The following NUP133 variants were observed in gnomAD, a reference collection of about 807,000 sequenced individuals.
The protein encoded by NUP133 is nuclear pore complex protein Nup133.
A neutral mutation model predicts 146.2 loss-of-function variants in NUP133; 66 were observed. The ratio of observed to expected loss-of-function variants is 0.45; its 90% CI spans 0.37 to 0.55. The LOEUF is 0.55. Ranked by LOEUF, NUP133 falls within the 20% of genes least tolerant of loss-of-function variation. The pLI, the probability that NUP133 is intolerant of heterozygous loss-of-function variation, is 0.00. For synonymous variants in NUP133, 521 were observed against 498.8 expected (o/e 1.04, Z -0.59); for missense variants, 1,277 against 1,374.8 (o/e 0.93, Z 1.12).
intron 12 of NUP133, among the ~76,000 whole-genome samples, chr1:229,482,144 A>C (rs1191389382): frequency 6.6e-6 from 1 of 152,232 alleles, no homozygotes; most frequent in Non-Finnish European, 1.5e-5. Flanking sequence ...TTTTAAACAG[A>C]AACAAAAAAC....
intron 13 of NUP133, among the ~76,000 whole-genome samples, chr1:229,476,488 A>C (rs1203305664): frequency 6.6e-6 from 1 of 152,212 alleles, no homozygotes; most frequent in Non-Finnish European, 1.5e-5. Flanking sequence ...AAGTAAGAGT[A>C]AGAGGGGCAG....
chr1:229,445,561 C>T (rs1340263141), intron 24 of NUP133, among the ~76,000 whole-genome samples: 2 of 152,208 alleles, frequency 1.3e-5, no homozygotes, highest in East Asian at 3.8e-4. Flanking sequence ...TCCAGCAATC[C>T]TCCTGTCTTG....
intron 24 of NUP133, among the ~76,000 whole-genome samples, chr1:229,447,954 A>G (rs1309214117): frequency 6.6e-6 from 1 of 152,234 alleles, no homozygotes; most frequent in African/African-American, 2.4e-5. Context: ...AGGATGTGGT[A>G]AAGAAGCCAG....
At position 229,465,511 on chromosome 1, in the gene NUP133, C is replaced by T. The variant is rs1290887082; in HGVS notation, c.2208G>A (p.Leu736=). The change falls in exon 17 of 26, where the codon CTG becomes CTA. Residue 736 remains leucine, a synonymous_variant. Transcript: ENST00000261396. The stretch of plus-strand genomic sequence containing the variant: ...TTTGGCGATAATGACTAGCAGCCTG[C>T]AGCATATCCTGGAAAAAAAGTTAAT... ...INVNNILKDM[L]QAASHYRQNR... The T allele has an allele frequency of 6.2e-7, 1 of 1,612,602 alleles. No homozygotes were observed. The highest frequency in any genetic ancestry group is 8.5e-7 in the Non-Finnish European group (1 of 1,178,868).
intron 12 of NUP133, 55 bp downstream of exon 12, chr1:229,483,999 A>G: frequency 8.1e-7 from 1 of 1,240,286 alleles, no homozygotes; most frequent in Non-Finnish European, 1.2e-6. Flanking sequence ...AGCACATGTC[A>G]GTAAAACATA....
At chr1:229,442,355 A>G (rs1334869841) in intron 25 of NUP133, among the ~76,000 whole-genome samples, 1 of 152,260 alleles carries the variant, frequency 6.6e-6, no homozygotes, top group African/African-American at 2.4e-5. Context: ...AAACACTTAT[A>G]TGATCCCCTA....
At chr1:229,463,718 A>G (rs1184152113) in intron 18 of NUP133, 42 bp from the exon 19 acceptor site, 1 of 1,549,562 alleles carries the variant, frequency 6.5e-7, no homozygotes, top group Non-Finnish European at 8.7e-7. Flanking sequence ...CTGTTAGCAA[A>G]ACTTAAAATC....
At chr1:229,506,695 C>T (rs1168053370) in intron 1 of NUP133, among the ~76,000 whole-genome samples, 1 of 151,628 alleles carries the variant, frequency 6.6e-6, no homozygotes, top group East Asian at 1.9e-4. Context: ...CTGCTTGAGA[C>T]CAGGAGTTCA....
chr1:229,506,086 T>A lies in NUP133; in HGVS notation c.255A>T (p.Gly85=). 1 of 1,613,470 alleles carries A rather than the reference T, an allele frequency of 6.2e-7. No individual in the cohort carries two copies. The highest frequency in any genetic ancestry group is 8.5e-7 in the Non-Finnish European group (1 of 1,179,486). The stretch of plus-strand genomic sequence containing the variant: ...CCATGACTTTAACAGGAAGAGAAGA[T>A]CCAAACGTTTTCACATCATAGTTCA... The part of the protein sequence containing the change: ...ESVNYDVKTF[G]SSLPVKVMEA... The change falls in exon 2 of 26, where the codon GGA becomes GGT. Residue 85 remains glycine, a synonymous_variant. Coordinates refer to ENST00000261396, the MANE Select transcript of NUP133 (RefSeq NM_018230.3).
intron 19 of NUP133, among the ~76,000 whole-genome samples, chr1:229,461,648 A>C (rs142277009): frequency 1.4e-4 from 22 of 152,356 alleles, no homozygotes; most frequent in African/African-American, 5.1e-4. Context: ...TATAGGAAGC[A>C]GAAAACTATG....
At chr1:229,449,875 T>TATATATATATATATATATATATATATA (rs1558088585) in intron 23 of NUP133, among the ~76,000 whole-genome samples, 1 of 64,020 alleles carries the variant, frequency 1.6e-5, no homozygotes, top group African/African-American at 6.0e-5. Context: ...ATATATATAT[T>TATATATATATATATATATATATATATA]TTTTTTTTTT....
At chr1:229,491,921 C>T (rs1661527873) in intron 8 of NUP133, among the ~76,000 whole-genome samples, 1 of 152,146 alleles carries the variant, frequency 6.6e-6, no homozygotes, top group Admixed American at 6.5e-5. Context: ...TAAAAACAAA[C>T]ATATATATTT....
At chr1:229,483,570 T>C (rs1284120347) in intron 12 of NUP133, among the ~76,000 whole-genome samples, 2 of 151,902 alleles carry the variant, frequency 1.3e-5, no homozygotes, top group African/African-American at 4.8e-5. Context: ...CTAGGTGTAG[T>C]GGTACACGCC....
At chr1:229,449,282 G>T in intron 23 of NUP133, 92 bp from the exon 24 acceptor site, 3 of 725,838 alleles carry the variant, frequency 4.1e-6, no homozygotes, top group Middle Eastern at 3.9e-4. Flanking sequence ...TACATACATA[G>T]AAGCCAATTA....
At chr1:229,465,160 G>A (rs1660784022) in intron 17 of NUP133, among the ~76,000 whole-genome samples, 1 of 152,050 alleles carries the variant, frequency 6.6e-6, no homozygotes, top group Non-Finnish European at 1.5e-5. Flanking sequence ...ATACCTCCGG[G>A]GCCAGGACTG....
chr1:229,485,935 G>A (rs989255385), intron 11 of NUP133, among the ~76,000 whole-genome samples: 16 of 152,112 alleles, frequency 1.1e-4, no homozygotes, highest in Admixed American at 8.5e-4. Context: ...AGGCCGAGGC[G>A]GGAGGATTCT....
At chr1:229,447,497 G>A (rs1481172669) in intron 24 of NUP133, among the ~76,000 whole-genome samples, 1 of 150,836 alleles carries the variant, frequency 6.6e-6, no homozygotes, top group African/African-American at 2.4e-5. Flanking sequence ...TATTGAGTTG[G>A]CTGACAGCTG....
intron 2 of NUP133, among the ~76,000 whole-genome samples, chr1:229,504,446 A>T (rs1254271814): frequency 2.0e-5 from 3 of 152,148 alleles, no homozygotes; most frequent in Admixed American, 2.0e-4. Flanking sequence ...GTGTCATCCA[A>T]CTGCTCATCT....
At chr1:229,494,011 G>A (rs1166722814) in intron 8 of NUP133, among the ~76,000 whole-genome samples, 1 of 151,860 alleles carries the variant, frequency 6.6e-6, no homozygotes, top group African/African-American at 2.4e-5. Context: ...CCCACCTATA[G>A]TCCCAGCTAC....
Sources: gnomAD v4.1 joint callset for allele counts (sites outside exome capture counted in the v4.1 genomes callset) on GRCh38, gnomAD v4.1.1 for gene constraint, MANE v1.5 for transcripts, NCBI Gene and HGNC (gene_info 2026-07-23, HGNC 2026-07-21) for gene names.